STAM: variants seen among roughly 807,000 people sequenced by gnomAD.
The protein encoded by STAM is signal transducing adapter molecule 1.
A neutral mutation model predicts 63.4 loss-of-function variants in STAM; 16 were observed. That is an observed-to-expected ratio of 0.25 (90% confidence interval 0.17 to 0.38). STAM has a LOEUF of 0.38. Ranked by LOEUF, STAM falls within the 10% of genes least tolerant of loss-of-function variation. STAM has a pLI of 1.00. For missense variants in STAM, 636 were observed against 657.1 expected (o/e 0.97, Z 0.35); for synonymous variants, 238 against 223.9 (o/e 1.06, Z -0.56).
intron 2 of STAM, among the ~76,000 whole-genome samples, chr10:17,671,539 GGT>G (rs1834641016): frequency 6.6e-6 from 1 of 152,158 alleles, no homozygotes; most frequent in Non-Finnish European, 1.5e-5. Flanking sequence ...CAGCCTGGGT[GGT>G]ATTGCTCCAT....
At chr10:17,702,007 T>C (rs1836019940) in intron 9 of STAM, among the ~76,000 whole-genome samples, 1 of 152,144 alleles carries the variant, frequency 6.6e-6, no homozygotes, top group East Asian at 1.9e-4. Flanking sequence ...GTCATTCCAT[T>C]CCATCTTTCA....
chr10:17,667,376 C>A (rs907590224), intron 2 of STAM, among the ~76,000 whole-genome samples: 22 of 152,192 alleles, frequency 1.4e-4, no homozygotes, highest in African/African-American at 5.3e-4. Flanking sequence ...CCCTCCTCAG[C>A]CTCCCAAAGT....
Position 17,688,117 on chromosome 10 carries a change from G to A in STAM, c.388G>A (p.Ala130Thr), listed in dbSNP as rs782475532. 1.4e-5 allele frequency: 22 copies of A among 1,603,354 alleles called. No homozygotes were observed. The Admixed American group carries it at 3.1e-4, about 22-fold the overall frequency. The change falls in exon 5 of 14, where the codon GCA becomes ACA. Residue 130 changes from alanine (A) to threonine (T), a missense_variant. Physicochemically the swap from Ala to Thr is moderately conservative, Grantham distance 58. Transcript: ENST00000377524. Reference sequence around the variant, plus strand: ...TGATCCACAGCTTAGTCTAATATCAGCAATGATTAAGAACCTTAAGGAACA... The same window carrying A: ...TGATCCACAGCTTAGTCTAATATCAACAATGATTAAGAACCTTAAGGAACA... ...KNDPQLSLIS[A>T]MIKNLKEQGV... is the part of the protein sequence containing the mutation.
intron 2 of STAM, among the ~76,000 whole-genome samples, chr10:17,676,634 A>T (rs1834867220): frequency 1.3e-5 from 2 of 152,192 alleles, no homozygotes; most frequent in African/African-American, 4.8e-5. Flanking sequence ...TGACCATAAC[A>T]TCCAATTTGC....
Position 17,709,968 on chromosome 10 carries a change from A to AT in STAM, c.1385+1026dup, listed in dbSNP as rs1457707425. Among the ~76,000 whole-genome samples the AT allele has an allele frequency of 8.8e-5, 13 of 148,544 alleles. 1 individual carries two copies. Among genetic ancestry groups the AT allele is most frequent in the South Asian group, 2.2e-4 (1 of 4,614 alleles). ...TAAGTGTAGCTTGCACTCTTGCAGG[A>AT]TTTTTTTTTAAGTTGAAATCTGGTG... On this transcript the variant is annotated intron_variant, in intron 13 of 13. Transcript: ENST00000377524.
chr10:17,706,368 C>CTT (rs1554829259), intron 12 of STAM, among the ~76,000 whole-genome samples: 2 of 88,898 alleles, frequency 2.2e-5, no homozygotes, highest in Non-Finnish European at 4.7e-5. Flanking sequence ...GGGTTGAGGC[C>CTT]CTTTTTTTTT....
intron 12 of STAM, 121 bp downstream of exon 12, chr10:17,705,862 G>GTT (rs1385925760): frequency 6.4e-6 from 5 of 780,204 alleles, no homozygotes; most frequent in Non-Finnish European, 9.8e-6. Flanking sequence ...GAGACCAGGA[G>GTT]TTTAAGACCA....
chr10:17,698,001 A>G (rs1245673851), intron 8 of STAM, among the ~76,000 whole-genome samples: 1 of 152,196 alleles, frequency 6.6e-6, no homozygotes, highest in Non-Finnish European at 1.5e-5. Context: ...CTTATAATAC[A>G]TACTACATAT....
At chr10:17,685,871 T>C (rs1280486249) in intron 4 of STAM, among the ~76,000 whole-genome samples, 4 of 152,200 alleles carry the variant, frequency 2.6e-5, no homozygotes, top group Admixed American at 6.5e-5. Context: ...ATTAGTAATA[T>C]GTGAGTTTCC....
At chr10:17,685,395 A>G (rs1835253957) in intron 4 of STAM, among the ~76,000 whole-genome samples, 1 of 152,150 alleles carries the variant, frequency 6.6e-6, no homozygotes, top group African/African-American at 2.4e-5. Context: ...CCACAGCTGG[A>G]GTTGCCTCAA....
chr10:17,710,369 G>A (rs556684216), intron 13 of STAM, among the ~76,000 whole-genome samples: 7 of 152,140 alleles, frequency 4.6e-5, no homozygotes, highest in Non-Finnish European at 8.8e-5. Flanking sequence ...TTCTGCATTC[G>A]GGATGTGAAA....
At position 17,683,413 on chromosome 10, in the gene STAM, C is replaced by T. The variant is rs1215568053; in HGVS notation, c.126-1262C>T. 2.6e-5 allele frequency among the ~76,000 whole-genome samples: 4 copies of T among 152,234 alleles called. No homozygotes were observed. In the East Asian group the frequency reaches 5.8e-4, roughly 22 times the overall value. ...CCGGACTCAAGCCATCTGCCCACCTCGGCCTCCCAAAATGCTGGAATTATA... is the reference window on the plus strand; with the variant it reads ...CCGGACTCAAGCCATCTGCCCACCTTGGCCTCCCAAAATGCTGGAATTATA... On this transcript the variant is annotated intron_variant, in intron 2 of 13. Transcript: ENST00000377524.
chr10:17,703,663 A>C lies in STAM; in HGVS notation c.913-768A>C, dbSNP rs184826790. ...TTTCATTCATTCCATTGGTCTGTAC[A>C]ACAAAAGATTCTGAAATAGATCTGT... On this transcript the variant is annotated intron_variant, in intron 9 of 13. Coordinates refer to ENST00000377524, the MANE Select transcript of STAM (RefSeq NM_003473.4). Among the ~76,000 whole-genome samples the C allele has an allele frequency of 1.6e-3, 239 of 152,316 alleles. 1 individual carries two copies. Among genetic ancestry groups the C allele is most frequent in the African/African-American group, 5.4e-3 (224 of 41,560 alleles).
Position 17,695,112 on chromosome 10 carries a change from G to A in STAM, c.599G>A (p.Ser200Asn). 1 of 1,614,040 alleles carries A rather than the reference G, an allele frequency of 6.2e-7. No homozygotes were observed. Among genetic ancestry groups the A allele is most frequent in the Non-Finnish European group, 8.5e-7 (1 of 1,179,960 alleles). The change falls in exon 7 of 14, where the codon AGC becomes AAC. Residue 200 changes from serine (S) to asparagine (N), a missense_variant. Transcript: ENST00000377524. ...ACCACCCTTTCCACTTTGTATCCAA[G>A]CACATCCAGTCTCTTAACTAACCAC... ...QSTTLSTLYPSTSSLLTNHQH... is the reference protein window; with the variant it reads ...QSTTLSTLYPNTSSLLTNHQH...
At chr10:17,664,599 C>T (rs1166508259) in intron 2 of STAM, among the ~76,000 whole-genome samples, 3 of 152,042 alleles carry the variant, frequency 2.0e-5, no homozygotes, top group African/African-American at 7.2e-5. Flanking sequence ...TGTAGGCTGC[C>T]ATTGAGGTAT....
intron 13 of STAM, among the ~76,000 whole-genome samples, chr10:17,713,097 C>T (rs1349199844): frequency 2.0e-5 from 3 of 152,196 alleles, no homozygotes; most frequent in Admixed American, 6.5e-5. Flanking sequence ...TTTGACAGTT[C>T]GTGATTCCCT....
At chr10:17,700,987 C>T (rs60753306) in intron 9 of STAM, among the ~76,000 whole-genome samples, 267 of 152,260 alleles carry the variant, frequency 1.8e-3, no homozygotes, top group African/African-American at 5.9e-3. Flanking sequence ...GAAAAGCTTA[C>T]GCTAATTTTA....
intron 5 of STAM, among the ~76,000 whole-genome samples, chr10:17,689,702 G>A (rs976037883): frequency 6.6e-6 from 1 of 152,126 alleles, no homozygotes; most frequent in Admixed American, 6.5e-5. Flanking sequence ...ACCTAGAATA[G>A]GTAGAGAAAA....
chr10:17,701,995 C>G (rs1279784765), intron 9 of STAM, among the ~76,000 whole-genome samples: 1 of 152,118 alleles, frequency 6.6e-6, no homozygotes, highest in East Asian at 1.9e-4. Flanking sequence ...TGACAGACCA[C>G]TGTCATTCCA....
Sources: allele counts gnomAD v4.1 joint callset (sites outside exome capture counted in the v4.1 genomes callset), GRCh38; gene constraint gnomAD v4.1.1; transcripts MANE v1.5; gene names NCBI Gene and HGNC (gene_info 2026-07-23, HGNC 2026-07-21).